GRID2: variants seen among roughly 807,000 people sequenced by gnomAD.
GRID2 encodes glutamate ionotropic receptor delta type subunit 2.
GRID2 carries 33 observed loss-of-function variants against 114.8 expected under a neutral mutation model. The observed-to-expected ratio is 0.29, with a 90% CI of 0.22 to 0.38. The LOEUF (loss-of-function observed/expected upper bound fraction) is 0.38, where lower values mean the gene tolerates loss of function less well. Ranked by LOEUF, GRID2 falls within the 10% of genes least tolerant of loss-of-function variation. The pLI, the probability that GRID2 is intolerant of heterozygous loss-of-function variation, is 1.00. For missense variants in GRID2, 1,184 were observed against 1,257.7 expected, an observed-to-expected ratio of 0.94 and a Z score of 0.89; for synonymous variants, 505 against 449.9, an observed-to-expected ratio of 1.12 and a Z score of -1.55.
intron 2 of GRID2, among the ~76,000 whole-genome samples, chr4:92,853,913 G>A (rs1183581306): frequency 6.6e-6 from 1 of 151,380 alleles, no homozygotes; most frequent in African/African-American, 2.4e-5. Context: ...CCTGGGTGAT[G>A]ATATCTGTGC....
chr4:93,606,855 GTA>G, intron 13 of GRID2, among the ~76,000 whole-genome samples: 1 of 152,160 alleles, frequency 6.6e-6, no homozygotes, highest in South Asian at 2.1e-4. Flanking sequence ...TTATTTTACT[GTA>G]TATGTTAATG....
At chr4:92,608,504 G>A (rs887373947) in intron 2 of GRID2, among the ~76,000 whole-genome samples, 7 of 151,804 alleles carry the variant, frequency 4.6e-5, no homozygotes, top group African/African-American at 1.7e-4. Context: ...TAAAGAAAGA[G>A]ATAAGCGCCC....
intron 1 of GRID2, among the ~76,000 whole-genome samples, chr4:92,306,100 G>A (rs898555013): frequency 6.6e-6 from 1 of 152,232 alleles, no homozygotes; most frequent in Non-Finnish European, 1.5e-5. Flanking sequence ...GCCCGCCCAA[G>A]CGAGGGATTT....
chr4:92,854,522 G>T (rs1217699810), intron 2 of GRID2, among the ~76,000 whole-genome samples: 2 of 151,480 alleles, frequency 1.3e-5, no homozygotes, highest in Admixed American at 6.6e-5. Flanking sequence ...TTTCTGGAGA[G>T]AAGTTGTGAT....
chr4:92,651,230 C>A (rs568573823), intron 2 of GRID2, among the ~76,000 whole-genome samples: 1 of 152,004 alleles, frequency 6.6e-6, no homozygotes, highest in Admixed American at 6.6e-5. Flanking sequence ...GGAAACAGTC[C>A]GATGCAATCA....
chr4:93,771,533 C>G (rs1230577370), intron 15 of GRID2, among the ~76,000 whole-genome samples: 5 of 152,138 alleles, frequency 3.3e-5, no homozygotes, highest in African/African-American at 1.2e-4. Flanking sequence ...TAAACAATCG[C>G]ACATATCCTT....
intron 14 of GRID2, among the ~76,000 whole-genome samples, chr4:93,644,352 C>G (rs1721907491): frequency 6.9e-6 from 1 of 145,456 alleles, no homozygotes; most frequent in South Asian, 2.2e-4. Flanking sequence ...AAACTTGCAT[C>G]TTAATGATAT....
chr4:93,105,827 C>A (rs2149345447), intron 3 of GRID2, among the ~76,000 whole-genome samples: 1 of 152,188 alleles, frequency 6.6e-6, no homozygotes. Context: ...TACACTAGAG[C>A]CACCCAAATA....
At position 92,687,308 on chromosome 4, in the gene GRID2, C is replaced by T. The variant is rs2149289651; in HGVS notation, c.244+97022C>T. 2.0e-5 allele frequency among the ~76,000 whole-genome samples: 3 copies of T among 151,548 alleles called. No individual in the cohort carries two copies. The South Asian group carries it at 6.3e-4, about 32-fold the overall frequency. Reference sequence around the variant, plus strand: ...AGATACTGTTGACTATAATTCTTACCAGAAATATATATACACAGATAACCT... The same window carrying T: ...AGATACTGTTGACTATAATTCTTACTAGAAATATATATACACAGATAACCT... On this transcript the variant is annotated intron_variant, in intron 2 of 15. Coordinates refer to ENST00000282020, the MANE Select transcript of GRID2 (RefSeq NM_001510.4).
At chr4:93,739,723 C>T (rs899661417) in intron 14 of GRID2, among the ~76,000 whole-genome samples, 1 of 152,090 alleles carries the variant, frequency 6.6e-6, no homozygotes, top group Non-Finnish European at 1.5e-5. Flanking sequence ...ATTTATCCTC[C>T]AGAGAAATTT....
At chr4:92,428,266 A>G (rs912353878) in intron 1 of GRID2, among the ~76,000 whole-genome samples, 10 of 151,318 alleles carry the variant, frequency 6.6e-5, no homozygotes, top group Admixed American at 6.6e-4. Flanking sequence ...CTCACAAAGT[A>G]ATAATAATAA....
intron 8 of GRID2, among the ~76,000 whole-genome samples, chr4:93,351,298 C>T (rs550807524): frequency 7.2e-5 from 11 of 152,110 alleles, no homozygotes; most frequent in African/African-American, 2.2e-4. Flanking sequence ...TTTGGCTCTG[C>T]ATGCAAACAG....
At chr4:93,542,041 G>A (rs189619887) in intron 13 of GRID2, among the ~76,000 whole-genome samples, 3 of 152,070 alleles carry the variant, frequency 2.0e-5, no homozygotes, top group African/African-American at 7.2e-5. Context: ...CCCAACTTGG[G>A]TCACTACCCC....
chr4:92,489,966 G>A (rs1723076902), intron 1 of GRID2, among the ~76,000 whole-genome samples: 1 of 151,970 alleles, frequency 6.6e-6, no homozygotes, highest in Non-Finnish European at 1.5e-5. Flanking sequence ...TTCTTTATAT[G>A]AGGATGTGTT....
intron 2 of GRID2, among the ~76,000 whole-genome samples, chr4:92,908,806 G>A (rs1748156984): frequency 6.6e-6 from 1 of 152,082 alleles, no homozygotes; most frequent in Non-Finnish European, 1.5e-5. Context: ...CACGTCAACA[G>A]AGTTGTTAGG....
At chr4:93,749,731 A>G (rs545018145) in intron 14 of GRID2, among the ~76,000 whole-genome samples, 1 of 152,290 alleles carries the variant, frequency 6.6e-6, no homozygotes, top group African/African-American at 2.4e-5. Context: ...ATCCCCCTCT[A>G]CAGAGCTAAG....
intron 13 of GRID2, among the ~76,000 whole-genome samples, chr4:93,529,144 A>G (rs1731208373): frequency 6.6e-6 from 1 of 152,202 alleles, no homozygotes; most frequent in Admixed American, 6.5e-5. Context: ...CAAACTTTAT[A>G]TGCTATTAAG....
chr4:93,358,766 G>C (rs190457464), intron 8 of GRID2, among the ~76,000 whole-genome samples: 91 of 152,076 alleles, frequency 6.0e-4, no homozygotes, highest in East Asian at 2.1e-3. Context: ...ATAAGACTTA[G>C]TTACTACGTT....
chr4:93,571,823 G>A (rs1379920217), intron 13 of GRID2, among the ~76,000 whole-genome samples: 1 of 152,114 alleles, frequency 6.6e-6, no homozygotes, highest in African/African-American at 2.4e-5. Context: ...GGGAAGATAA[G>A]TTTGTGATAA....
Sources: allele counts gnomAD v4.1 joint callset (sites outside exome capture counted in the v4.1 genomes callset), GRCh38; gene constraint gnomAD v4.1.1; transcripts MANE v1.5; gene names NCBI Gene and HGNC (gene_info 2026-07-23, HGNC 2026-07-21).